The following PCDHGB4 variants were observed in gnomAD, a reference collection of about 807,000 sequenced individuals.
The protein encoded by PCDHGB4 is protocadherin gamma subfamily B, 4.
A neutral mutation model predicts 60.5 loss-of-function variants in PCDHGB4; 38 were observed. That is an observed-to-expected ratio of 0.63 (90% confidence interval 0.48 to 0.82). The LOEUF (loss-of-function observed/expected upper bound fraction) is 0.82, where lower values mean the gene tolerates loss of function less well. Ranked by LOEUF, PCDHGB4 falls within the 40% of genes least tolerant of loss-of-function variation. PCDHGB4 has a pLI of 0.00. For synonymous variants in PCDHGB4, 456 were observed against 509.7 expected (o/e 0.89, Z 1.42); for missense variants, 1,109 against 1,209.6 (o/e 0.92, Z 1.23).
At chr5:141,450,932 C>G (rs868373954) in intron 1 of PCDHGB4, among the ~76,000 whole-genome samples, 1 of 151,134 alleles carries the variant, frequency 6.6e-6, no homozygotes, top group Admixed American at 6.6e-5. Context: ...TCAAGCAATT[C>G]TCCTACCTCA....
At chr5:141,409,988 G>GC (rs1561724887) in intron 1 of PCDHGB4, 1 of 1,613,278 alleles carries the variant, frequency 6.2e-7, no homozygotes, top group Non-Finnish European at 8.5e-7. Flanking sequence ...AGCGGTGGAC[G>GC]CCGACTCGGG....
intron 1 of PCDHGB4, chr5:141,398,763 G>C (rs767181565): frequency 3.7e-6 from 6 of 1,613,788 alleles, no homozygotes; most frequent in Non-Finnish European, 5.1e-6. Flanking sequence ...GTTTAGTCCT[G>C]ACTGCCTTGG....
At position 141,490,003 on chromosome 5, in the gene PCDHGB4, G is replaced by A. The variant is rs2099694760; in HGVS notation, c.2398-4804G>A. On this transcript the variant is annotated intron_variant, in intron 1 of 3. Transcript: ENST00000519479. This position sits in a 1 kb window ranked among gnomAD's most constrained non-coding sequence, Gnocchi z 5.4. ...TCTACGTGTGGGAATCCCAGAGAAT[G>A]CACCCATTGGTACTCTGCTGCTCCG... 6.2e-7 allele frequency: 1 copy of A among 1,614,204 alleles called. No homozygotes were observed. Among genetic ancestry groups the A allele is most frequent in the Non-Finnish European group, 8.5e-7 (1 of 1,180,008 alleles).
intron 2 of PCDHGB4, among the ~76,000 whole-genome samples, chr5:141,503,614 A>G (rs1595875970): frequency 6.6e-6 from 1 of 151,640 alleles, no homozygotes; most frequent in South Asian, 2.1e-4. Flanking sequence ...AAAAAAAAAA[A>G]GAAAAAAGAA....
At chr5:141,464,838 A>G (rs2099091245) in intron 1 of PCDHGB4, among the ~76,000 whole-genome samples, 1 of 152,182 alleles carries the variant, frequency 6.6e-6, no homozygotes, top group African/African-American at 2.4e-5. Context: ...TCCTGGGCTC[A>G]AGCAATCCTC....
chr5:141,482,220 G>T (rs945741591), intron 1 of PCDHGB4, among the ~76,000 whole-genome samples: 8 of 152,148 alleles, frequency 5.3e-5, no homozygotes, highest in African/African-American at 1.9e-4. Flanking sequence ...ACTTGTTTTG[G>T]TGTGAAATTG....
chr5:141,486,105 A>C lies in PCDHGB4; in HGVS notation c.2398-8702A>C. The stretch of plus-strand genomic sequence containing the variant: ...ACTCTTTTGGGGCCCCTAGACTTTG[A>C]GAGTGAGAATTACTATGAATTTGAT... On this transcript the variant is annotated intron_variant, in intron 1 of 3. Transcript: ENST00000519479. This position sits in a 1 kb window ranked among gnomAD's most constrained non-coding sequence, Gnocchi z 5.0. The C allele has an allele frequency of 1.2e-6, 2 of 1,614,138 alleles. No individual in the cohort carries two copies. The highest frequency in any genetic ancestry group is 1.7e-6 in the Non-Finnish European group (2 of 1,180,016).
intron 1 of PCDHGB4, chr5:141,400,265 G>T (rs2093992954): frequency 6.2e-7 from 1 of 1,613,876 alleles, no homozygotes. Context: ...CGCCTGCGAC[G>T]CTCCTCCAGC....
intron 1 of PCDHGB4, chr5:141,399,510 C>T: frequency 6.2e-7 from 1 of 1,614,040 alleles, no homozygotes; most frequent in Non-Finnish European, 8.5e-7. Context: ...CCGAAAACAA[C>T]CCTCCTGGGG....
chr5:141,485,944 G>C lies in PCDHGB4; in HGVS notation c.2398-8863G>C, dbSNP rs2099621875. 1 of 1,613,998 alleles carries C rather than the reference G, an allele frequency of 6.2e-7. No homozygotes were observed. Reference sequence around the variant, plus strand: ...TTAGTGTGTTGGAGAGCGCACCAGCGGGCATGGTGCTCATCCAGCTCAATG... The same window carrying C: ...TTAGTGTGTTGGAGAGCGCACCAGCCGGCATGGTGCTCATCCAGCTCAATG... On this transcript the variant is annotated intron_variant, in intron 1 of 3. Transcript: ENST00000519479. This position sits in a 1 kb window ranked among gnomAD's most constrained non-coding sequence, Gnocchi z 5.7.
chr5:141,477,512 A>G lies in PCDHGB4; in HGVS notation c.2398-17295A>G. 1.9e-6 allele frequency: 3 copies of G among 1,614,156 alleles called. No homozygotes were observed. Among genetic ancestry groups the G allele is most frequent in the South Asian group, 2.2e-5 (2 of 91,072 alleles). ...TTCTCAATCTTCCTACGACGTTTAC[A>G]TTGAAGAAAACAACCTCCCCGGGGC... On this transcript the variant is annotated intron_variant, in intron 1 of 3. Transcript: ENST00000519479. This position sits in a 1 kb window ranked among gnomAD's most constrained non-coding sequence, Gnocchi z 4.9.
In PCDHGB4 at chr5:141,489,152, A is replaced by C; in HGVS notation, c.2398-5655A>C. The C allele has an allele frequency of 2.1e-6, 2 of 960,350 alleles. No individual in the cohort carries two copies. Among genetic ancestry groups the C allele is most frequent in the Non-Finnish European group, 3.1e-6 (2 of 640,552 alleles). 59.5% of individuals were successfully genotyped at this position (960,350 alleles called of 1,614,324 possible). A position where few individuals can be genotyped will look rare whatever the true frequency, so the allele number is the denominator to read the frequency against. On this transcript the variant is annotated intron_variant, in intron 1 of 3. Transcript: ENST00000519479. This position sits in a 1 kb window ranked among gnomAD's most constrained non-coding sequence, Gnocchi z 4.5. The stretch of plus-strand genomic sequence containing the variant: ...TTTTAAGAGGCTGGAAGGAGACATA[A>C]GAGACTTCAGCTGCTGCATTCCAAG...
At chr5:141,402,812 C>A in intron 1 of PCDHGB4, 1 of 1,243,796 alleles carries the variant, frequency 8.0e-7, no homozygotes, top group Non-Finnish European at 1.1e-6. Flanking sequence ...GCAGATACCA[C>A]AAACCTGCTC....
At chr5:141,426,844 A>C (rs1397752566) in intron 1 of PCDHGB4, 1 of 456,628 alleles carries the variant, frequency 2.2e-6, no homozygotes, top group Non-Finnish European at 4.4e-6. Context: ...ACTAAAGGCA[A>C]GAACGCTCCA....
Position 141,486,445 on chromosome 5 carries a change from G to A in PCDHGB4, c.2398-8362G>A. On this transcript the variant is annotated intron_variant, in intron 1 of 3. Coordinates refer to ENST00000519479, the MANE Select transcript of PCDHGB4 (RefSeq NM_003736.4). The surrounding 1 kb of genome is among the most constrained non-coding windows in gnomAD (Gnocchi z 5.0). ...AGGCCAAATCTAGCTATGACATCAT[G>A]GTCACTGCTTCTGATGCTGGGAACC... 6.2e-7 allele frequency: 1 copy of A among 1,613,948 alleles called. No homozygotes were observed. The highest frequency in any genetic ancestry group is 8.5e-7 in the Non-Finnish European group (1 of 1,179,862).
At chr5:141,401,033 C>T (rs1437899833) in intron 1 of PCDHGB4, among the ~76,000 whole-genome samples, 1 of 152,016 alleles carries the variant, frequency 6.6e-6, no homozygotes, top group Non-Finnish European at 1.5e-5. Context: ...TTTGAATCTC[C>T]TAAAATTTTA....
At chr5:141,475,046 T>C (rs1430484084) in intron 1 of PCDHGB4, among the ~76,000 whole-genome samples, 1 of 152,274 alleles carries the variant, frequency 6.6e-6, no homozygotes, top group African/African-American at 2.4e-5. Context: ...CTTTGTATTT[T>C]CTAAAGATTT....
intron 1 of PCDHGB4, among the ~76,000 whole-genome samples, chr5:141,400,896 A>G (rs193291751): frequency 2.6e-5 from 4 of 152,214 alleles, no homozygotes; most frequent in Admixed American, 2.6e-4. Context: ...TAATCATTTA[A>G]TTCATCTTTT....
intron 1 of PCDHGB4, chr5:141,433,309 T>C: frequency 1.1e-6 from 1 of 901,134 alleles, no homozygotes; most frequent in Admixed American, 2.7e-5. Context: ...TTATCCCACC[T>C]TTGCCTCCGG....
Sources: allele counts gnomAD v4.1 joint callset (sites outside exome capture counted in the v4.1 genomes callset), GRCh38; gene constraint gnomAD v4.1.1; non-coding constraint Gnocchi (gnomAD v3.1); transcripts MANE v1.5; gene names NCBI Gene and HGNC (gene_info 2026-07-23, HGNC 2026-07-21).